TMEM117: variants seen among roughly 807,000 people sequenced by gnomAD.
TMEM117 encodes the protein transmembrane protein 117.
TMEM117 carries 27 observed loss-of-function variants against 52.4 expected under a neutral mutation model. That is an observed-to-expected ratio of 0.51 (90% CI 0.38 to 0.71). The LOEUF (loss-of-function observed/expected upper bound fraction) is 0.71. Ranked by LOEUF, TMEM117 falls within the 30% of genes least tolerant of loss-of-function variation. The pLI, the probability that TMEM117 is intolerant of heterozygous loss-of-function variation, is 0.00. For missense variants in TMEM117, 556 were observed against 630.5 expected (o/e 0.88, Z 1.26); for synonymous variants, 215 against 206.3 (o/e 1.04, Z -0.36).
At chr12:43,896,199 G>C (rs920371392) in intron 2 of TMEM117, among the ~76,000 whole-genome samples, 1 of 152,162 alleles carries the variant, frequency 6.6e-6, no homozygotes, top group Admixed American at 6.5e-5. Context: ...CTACCTTGCA[G>C]CAATAGTGTA....
At chr12:43,831,263 T>C (rs1275989669), upstream of TMEM117, among the ~76,000 whole-genome samples, 1 of 152,184 alleles carries the variant, frequency 6.6e-6, no homozygotes, top group African/African-American at 2.4e-5. Flanking sequence ...AAGTTAAAAA[T>C]AGTTTTGCTC....
intron 4 of TMEM117, among the ~76,000 whole-genome samples, chr12:44,192,586 A>T (rs1949368907): frequency 1.3e-5 from 2 of 152,332 alleles, no homozygotes; most frequent in Admixed American, 1.3e-4. Flanking sequence ...ATATAGGTGA[A>T]GTATTGGTTG....
chr12:44,361,075 A>C (rs148556536), intron 6 of TMEM117, among the ~76,000 whole-genome samples: 7 of 152,170 alleles, frequency 4.6e-5, no homozygotes, highest in African/African-American at 1.7e-4. Flanking sequence ...GACTTAAAGT[A>C]TTATAAGAAA....
intron 4 of TMEM117, among the ~76,000 whole-genome samples, chr12:44,167,340 A>G (rs1948981654): frequency 6.6e-6 from 1 of 152,160 alleles, no homozygotes; most frequent in Non-Finnish European, 1.5e-5. Flanking sequence ...TTTTGCCCCA[A>G]GTTGAATACA....
At chr12:43,831,352 C>T (rs1427425749), upstream of TMEM117, among the ~76,000 whole-genome samples, 1 of 152,150 alleles carries the variant, frequency 6.6e-6, no homozygotes. Context: ...TATACTTTCC[C>T]CTGGCTTTCA....
At chr12:43,892,221 G>A (rs1944119204) in intron 2 of TMEM117, among the ~76,000 whole-genome samples, 1 of 152,164 alleles carries the variant, frequency 6.6e-6, no homozygotes, top group Non-Finnish European at 1.5e-5. Flanking sequence ...GGGGAAATTA[G>A]GCACAAACTT....
chr12:44,083,485 T>G (rs1416349021), intron 3 of TMEM117: 1 of 140,182 alleles, frequency 7.1e-6, no homozygotes, highest in Non-Finnish European at 1.5e-5. Context: ...CACTGCAACC[T>G]CCACTTCCTG....
chr12:44,261,819 A>G lies in TMEM117; in HGVS notation c.609-37761A>G, dbSNP rs185556206. ...GTTTGGAACAAAGCATTGGAGTGAAATTCAATTAAAGCAAGCCAGGAAGCC... is the reference window on the plus strand; with the variant it reads ...GTTTGGAACAAAGCATTGGAGTGAAGTTCAATTAAAGCAAGCCAGGAAGCC... On this transcript the variant is annotated intron_variant, in intron 5 of 7. Coordinates refer to ENST00000266534, the MANE Select transcript of TMEM117 (RefSeq NM_032256.3). Among the ~76,000 whole-genome samples, 64 of 152,326 alleles carry G rather than the reference A, an allele frequency of 4.2e-4. No individual in the cohort carries two copies. The East Asian group carries it at 0.012, about 29-fold the overall frequency.
At chr12:44,174,545 T>C (rs1430113813) in intron 4 of TMEM117, among the ~76,000 whole-genome samples, 1 of 152,240 alleles carries the variant, frequency 6.6e-6, no homozygotes, top group Non-Finnish European at 1.5e-5. Flanking sequence ...TTGTTACTTA[T>C]CTTGAGTTTT....
chr12:43,944,761 CT>C (rs1418592950), intron 3 of TMEM117, among the ~76,000 whole-genome samples: 2 of 152,118 alleles, frequency 1.3e-5, no homozygotes, highest in African/African-American at 4.8e-5. Context: ...GAGGCATTTT[CT>C]TTAACTCTCT....
intron 2 of TMEM117, among the ~76,000 whole-genome samples, chr12:43,892,620 C>G (rs926771878): frequency 6.6e-6 from 1 of 152,192 alleles, no homozygotes; most frequent in African/African-American, 2.4e-5. Context: ...GTACACTCTT[C>G]CTAAAGTGTA....
chr12:43,845,115 T>C (rs1280327535), intron 2 of TMEM117, 187 bp downstream of exon 2: 14 of 604,944 alleles, frequency 2.3e-5, no homozygotes, highest in Non-Finnish European at 3.2e-5. Context: ...CTTTTCCTAC[T>C]GTCTAAGGAA....
rs538637659 is a variant in TMEM117, at chr12:44,218,154, G to T, written c.608+6767G>T. ...CAGGAGAATTGCTTGAACCTGGGAG[G>T]CAGAGGTTGCAGTGAGCCGAGATTG... On this transcript the variant is annotated intron_variant, in intron 5 of 7. Coordinates refer to ENST00000266534, the MANE Select transcript of TMEM117 (RefSeq NM_032256.3). Among the ~76,000 whole-genome samples, 6 of 152,128 alleles carry T rather than the reference G, an allele frequency of 3.9e-5. No homozygotes were observed. The East Asian group carries it at 1.2e-3, about 29-fold the overall frequency.
intron 3 of TMEM117, among the ~76,000 whole-genome samples, chr12:44,092,686 C>A (rs185588793): frequency 6.6e-6 from 1 of 152,114 alleles, no homozygotes; most frequent in Non-Finnish European, 1.5e-5. Flanking sequence ...CAGACGTCTA[C>A]CCAGAGAACT....
intron 3 of TMEM117, among the ~76,000 whole-genome samples, chr12:44,019,171 G>T (rs1946418096): frequency 6.6e-6 from 1 of 151,688 alleles, no homozygotes. Context: ...GTTGTCTGGG[G>T]TGGGGCTTTA....
chr12:43,795,825 A>G, the TMEM117 span: 1 of 1,479,298 alleles, frequency 6.8e-7, no homozygotes, highest in East Asian at 2.3e-5. Flanking sequence ...TTTCAGGTAT[A>G]TGAATGCTCA....
chr12:43,936,919 A>T (rs1592376388), intron 2 of TMEM117, among the ~76,000 whole-genome samples: 1 of 152,188 alleles, frequency 6.6e-6, no homozygotes, highest in Non-Finnish European at 1.5e-5. Flanking sequence ...AAGTTCAAGG[A>T]CATTGTTTTT....
upstream of TMEM117, among the ~76,000 whole-genome samples, chr12:43,835,322 C>G (rs1943009323): frequency 6.6e-6 from 1 of 152,218 alleles, no homozygotes; most frequent in East Asian, 1.9e-4. Flanking sequence ...TCCGGAGAGC[C>G]TCAGACTGCA....
In TMEM117 at chr12:43,843,749, A is replaced by G. The variant is rs1045277631; in HGVS notation, c.-28-875A>G. ...CTTCCTCTTTATTCTCATTCACCCA[A>G]TGCAAAGTTGCCCAGTCCTTTCTGT... On this transcript the variant is annotated intron_variant, in intron 1 of 7. Transcript: ENST00000266534. Among the ~76,000 whole-genome samples the G allele has an allele frequency of 3.9e-5, 6 of 152,190 alleles. No homozygotes were observed. The East Asian group carries it at 5.8e-4, about 15-fold the overall frequency.
Sources: gnomAD v4.1 joint callset for allele counts (sites outside exome capture counted in the v4.1 genomes callset) on GRCh38, gnomAD v4.1.1 for gene constraint, MANE v1.5 for transcripts, NCBI Gene and HGNC (gene_info 2026-07-23, HGNC 2026-07-21) for gene names.